The following NCAM2 variants were observed in gnomAD, a reference collection of about 807,000 sequenced individuals.
NCAM2 encodes the protein neural cell adhesion molecule 2.
In NCAM2, 30 loss-of-function variants were observed where a neutral mutation model predicts 98.1. The observed-to-expected ratio is 0.31, with a 90% CI of 0.23 to 0.41. NCAM2 has a LOEUF of 0.41. NCAM2 is among the 10% of genes least tolerant of loss of function. The pLI, the probability that NCAM2 is intolerant of heterozygous loss-of-function variation, is 1.00. For synonymous variants in NCAM2, 368 were observed against 342.4 expected (o/e 1.07, Z -0.83); for missense variants, 867 against 1,005.8 (o/e 0.86, Z 1.87).
chr21:21,373,219 G>A (rs767822073), intron 8 of NCAM2, among the ~76,000 whole-genome samples: 3 of 151,752 alleles, frequency 2.0e-5, no homozygotes, highest in Non-Finnish European at 2.9e-5. Context: ...TCTTACATTT[G>A]TTCAACTATA....
chr21:21,052,115 A>G (rs957230000), intron 1 of NCAM2, among the ~76,000 whole-genome samples: 2 of 150,054 alleles, frequency 1.3e-5, no homozygotes, highest in Non-Finnish European at 2.9e-5. Flanking sequence ...GGATTTTCGT[A>G]AGCTGTATCA....
chr21:21,410,221 ATTAT>A (rs1293231477), intron 9 of NCAM2, 49 bp from the exon 10 acceptor site: 16 of 991,654 alleles, frequency 1.6e-5, no homozygotes, highest in East Asian at 3.0e-5. Context: ...TACTTAAATG[ATTAT>A]TTAACTTAAA....
At chr21:21,221,731 T>A (rs574472830) in intron 1 of NCAM2, among the ~76,000 whole-genome samples, 1 of 152,200 alleles carries the variant, frequency 6.6e-6, no homozygotes, top group South Asian at 2.1e-4. Flanking sequence ...AAATGTTAGG[T>A]GAATTTGGAA....
At chr21:21,533,542 AAGAC>A in intron 16 of NCAM2, among the ~76,000 whole-genome samples, 1 of 152,064 alleles carries the variant, frequency 6.6e-6, no homozygotes, top group South Asian at 2.1e-4. Context: ...CACTTATTGA[AAGAC>A]AAGTTGGTTA....
chr21:21,417,764 G>T (rs1055023158), intron 10 of NCAM2, among the ~76,000 whole-genome samples: 11 of 152,110 alleles, frequency 7.2e-5, no homozygotes, highest in Non-Finnish European at 1.3e-4. Flanking sequence ...GAGTGAAAAA[G>T]AATGGTAGGA....
chr21:21,327,489 A>G (rs1308345010), intron 6 of NCAM2, among the ~76,000 whole-genome samples: 1 of 151,882 alleles, frequency 6.6e-6, no homozygotes, highest in Non-Finnish European at 1.5e-5. Context: ...AATAATTTCA[A>G]CTTTTATCTT....
chr21:21,240,699 A>G (rs1045180076), intron 1 of NCAM2, among the ~76,000 whole-genome samples: 1 of 152,196 alleles, frequency 6.6e-6, no homozygotes, highest in African/African-American at 2.4e-5. Flanking sequence ...TCTCACATCA[A>G]CCCCAGTGAG....
intron 1 of NCAM2, among the ~76,000 whole-genome samples, chr21:21,180,756 C>T (rs2068442592): frequency 6.6e-6 from 1 of 151,948 alleles, no homozygotes; most frequent in Non-Finnish European, 1.5e-5. Flanking sequence ...CACTCTAAAA[C>T]AATACCATAA....
At chr21:21,053,209 G>T (rs557253143) in intron 1 of NCAM2, among the ~76,000 whole-genome samples, 1 of 152,042 alleles carries the variant, frequency 6.6e-6, no homozygotes, top group African/African-American at 2.4e-5. Flanking sequence ...TAATGATTGT[G>T]CATTTTAATG....
chr21:21,078,369 T>C (rs969668008), intron 1 of NCAM2, among the ~76,000 whole-genome samples: 3 of 152,220 alleles, frequency 2.0e-5, no homozygotes, highest in African/African-American at 7.2e-5. Flanking sequence ...GATTGTAATA[T>C]TCACAAACAC....
intron 1 of NCAM2, among the ~76,000 whole-genome samples, chr21:21,098,875 C>T (rs1251528274): frequency 6.6e-6 from 1 of 151,746 alleles, no homozygotes. Flanking sequence ...CAATTTTCAG[C>T]AAGCAATTGC....
At chr21:21,111,226 A>G (rs1428689957) in intron 1 of NCAM2, among the ~76,000 whole-genome samples, 1 of 152,202 alleles carries the variant, frequency 6.6e-6, no homozygotes, top group Non-Finnish European at 1.5e-5. Flanking sequence ...CCATATTGTA[A>G]CAAGTTTTGA....
chr21:21,324,675 T>C (rs2074466816), intron 6 of NCAM2, among the ~76,000 whole-genome samples, 175 bp downstream of exon 6: 1 of 152,068 alleles, frequency 6.6e-6, no homozygotes, highest in Non-Finnish European at 1.5e-5. Context: ...GCTAAAGAGA[T>C]CAACAGTGTG....
chr21:21,075,877 G>A (rs2065670069), intron 1 of NCAM2, among the ~76,000 whole-genome samples: 1 of 152,146 alleles, frequency 6.6e-6, no homozygotes, highest in South Asian at 2.1e-4. Flanking sequence ...AGCACTTTGG[G>A]AGGCTGAGGC....
intron 12 of NCAM2, among the ~76,000 whole-genome samples, chr21:21,448,818 T>C (rs1980587675): frequency 1.3e-5 from 2 of 152,096 alleles, no homozygotes; most frequent in South Asian, 4.1e-4. Flanking sequence ...TAATTCCATA[T>C]TTTCAGTGAA....
chr21:21,257,053 T>C (rs192706020), intron 1 of NCAM2, among the ~76,000 whole-genome samples: 2 of 152,322 alleles, frequency 1.3e-5, no homozygotes, highest in East Asian at 1.9e-4. Flanking sequence ...TCTGCAGTGA[T>C]TTAGGATGTC....
At chr21:21,486,190 G>A (rs1304051597) in intron 15 of NCAM2, among the ~76,000 whole-genome samples, 1 of 150,910 alleles carries the variant, frequency 6.6e-6, no homozygotes, top group Non-Finnish European at 1.5e-5. Context: ...TGTAGTCCCA[G>A]CTACTCGGGA....
intron 1 of NCAM2, among the ~76,000 whole-genome samples, chr21:21,006,584 G>C (rs964598009): frequency 1.3e-5 from 2 of 152,112 alleles, no homozygotes; most frequent in East Asian, 1.9e-4. Context: ...TAAGAGCCAG[G>C]CTTCCTCACA....
intron 1 of NCAM2, among the ~76,000 whole-genome samples, chr21:21,170,840 G>A (rs1002482786): frequency 1.3e-5 from 2 of 150,972 alleles, no homozygotes; most frequent in African/African-American, 2.4e-5. Flanking sequence ...CTAGAGGGGG[G>A]AAGGCTGTGC....
Sources: gnomAD v4.1 joint callset for allele counts (sites outside exome capture counted in the v4.1 genomes callset) on GRCh38, gnomAD v4.1.1 for gene constraint, MANE v1.5 for transcripts, NCBI Gene and HGNC (gene_info 2026-07-23, HGNC 2026-07-21) for gene names.